Variants in DLG2 observed in about 807,000 individuals in gnomAD.
DLG2 encodes discs large MAGUK scaffold protein 2, also known as disks large homolog 2.
A neutral mutation model predicts 132.5 loss-of-function variants in DLG2; 45 were observed. The observed-to-expected ratio is 0.34, with a 90% CI of 0.27 to 0.44. DLG2 has a LOEUF of 0.44. Ranked by LOEUF, DLG2 falls within the 20% of genes least tolerant of loss-of-function variation. The pLI is 1.00. For missense variants in DLG2, 1,045 were observed against 1,196.9 expected (o/e 0.87, Z 1.87); for synonymous variants, 424 against 419.6 (o/e 1.01, Z -0.13).
chr11:84,480,633 G>A (rs897991269), intron 7 of DLG2, among the ~76,000 whole-genome samples: 18 of 151,980 alleles, frequency 1.2e-4, no homozygotes, highest in Non-Finnish European at 2.1e-4. Flanking sequence ...AGAATTTCTG[G>A]GCTCAAAATC....
chr11:84,395,582 T>C (rs115227378), intron 7 of DLG2, among the ~76,000 whole-genome samples: 132 of 152,280 alleles, frequency 8.7e-4, no homozygotes, highest in African/African-American at 2.9e-3. Flanking sequence ...CACACCTTTC[T>C]AATTTTTGTA....
intron 7 of DLG2, among the ~76,000 whole-genome samples, chr11:84,481,689 C>T (rs919668991): frequency 6.6e-6 from 1 of 152,172 alleles, no homozygotes; most frequent in Non-Finnish European, 1.5e-5. Context: ...TTGTTTCTAG[C>T]TCTGTGCCCT....
At chr11:83,960,802 C>G (rs948995622) in intron 14 of DLG2, among the ~76,000 whole-genome samples, 1 of 151,928 alleles carries the variant, frequency 6.6e-6, no homozygotes, top group Non-Finnish European at 1.5e-5. Context: ...ATGGTAACGC[C>G]TACAGTGTGA....
chr11:83,524,184 CTTAGA>C lies in DLG2; in HGVS notation c.2193+8519_2193+8523del, dbSNP rs531792617. ...ATGATTTCTATTTTCACATATTAGG[CTTAGA>C]TAAGTTATGATAATTGATAGGAGTT... On this transcript the variant is annotated intron_variant, in intron 21 of 27. Transcript: ENST00000376104. Among the ~76,000 whole-genome samples, 204 of 152,244 alleles carry C rather than the reference CTTAGA, an allele frequency of 1.3e-3. 1 individual carries two copies. The highest frequency in any genetic ancestry group is 4.7e-3 in the African/African-American group (197 of 41,558).
intron 19 of DLG2, among the ~76,000 whole-genome samples, chr11:83,622,478 T>C (rs193172162): frequency 6.6e-6 from 1 of 152,346 alleles, no homozygotes; most frequent in Admixed American, 6.5e-5. Context: ...CACAAATCCA[T>C]ATGCTCTGGG....
At chr11:83,513,646 G>A (rs561467804) in intron 21 of DLG2, among the ~76,000 whole-genome samples, 1 of 152,272 alleles carries the variant, frequency 6.6e-6, no homozygotes, top group African/African-American at 2.4e-5. Flanking sequence ...TTCTTCTAGG[G>A]TTTTTATGGT....
chr11:83,999,121 C>A (rs1327648281), intron 11 of DLG2, among the ~76,000 whole-genome samples: 2 of 152,150 alleles, frequency 1.3e-5, no homozygotes, highest in Non-Finnish European at 2.9e-5. Context: ...TGCTGGTGGC[C>A]TGGGAATCAT....
At chr11:85,284,367 A>G (rs2078426216) in intron 4 of DLG2, among the ~76,000 whole-genome samples, 1 of 151,854 alleles carries the variant, frequency 6.6e-6, no homozygotes. Flanking sequence ...AATATATGAG[A>G]GGCCTCAATA....
intron 4 of DLG2, among the ~76,000 whole-genome samples, chr11:85,206,757 C>G (rs562565989): frequency 6.6e-6 from 1 of 151,970 alleles, no homozygotes; most frequent in Non-Finnish European, 1.5e-5. Flanking sequence ...TGCTTGAACC[C>G]GGGAGGCAGA....
chr11:84,211,446 T>C (rs2096753951), intron 8 of DLG2, among the ~76,000 whole-genome samples: 1 of 152,212 alleles, frequency 6.6e-6, no homozygotes. Context: ...GGTCTTACTA[T>C]GTTGCCCAGA....
chr11:85,080,313 T>G (rs1383620039), intron 6 of DLG2, among the ~76,000 whole-genome samples: 2 of 152,118 alleles, frequency 1.3e-5, no homozygotes, highest in Non-Finnish European at 2.9e-5. Context: ...TGTTTGTTTG[T>G]TTTCACTGAT....
rs186138831 is a variant in DLG2 at position 84,685,160 on chromosome 11, G to A, written c.358-150429C>T. 2.4e-3 allele frequency among the ~76,000 whole-genome samples: 364 copies of A among 152,232 alleles called. 3 individuals carry two copies. Among genetic ancestry groups the A allele is most frequent in the Admixed American group, 0.018 (274 of 15,292 alleles). On this transcript the variant is annotated intron_variant, in intron 6 of 27. Coordinates refer to ENST00000376104, the MANE Select transcript of DLG2 (RefSeq NM_001142699.3). ...CAGAGCTGGTTTGAAGCAGAGCCAG[G>A]GCTATAATTCCAGTTTTCTGACAAC...
intron 18 of DLG2, among the ~76,000 whole-genome samples, chr11:83,687,154 T>C (rs747538529): frequency 1.3e-5 from 2 of 152,168 alleles, no homozygotes; most frequent in African/African-American, 4.8e-5. Context: ...ATGGCCAAAA[T>C]AACACCTTCA....
chr11:84,703,857 G>GATATATATGTGTGTATATATAT (rs1555174774), intron 6 of DLG2, among the ~76,000 whole-genome samples: 7 of 102,714 alleles, frequency 6.8e-5, no homozygotes, highest in African/African-American at 2.9e-4. Flanking sequence ...ATGTAGTGAA[G>GATATATATGTGTGTATATATAT]ATATATATAT....
At chr11:85,223,510 C>T (rs1053829130) in intron 4 of DLG2, among the ~76,000 whole-genome samples, 6 of 152,002 alleles carry the variant, frequency 3.9e-5, no homozygotes, top group African/African-American at 7.2e-5. Flanking sequence ...CGTGCTGGTG[C>T]GTGCTTGTGG....
intron 6 of DLG2, among the ~76,000 whole-genome samples, chr11:84,569,699 T>G (rs2099472878): frequency 2.0e-5 from 3 of 152,178 alleles, no homozygotes; most frequent in Admixed American, 6.5e-5. Context: ...ATTGCTCAGT[T>G]AGTATTTAAA....
intron 3 of DLG2, among the ~76,000 whole-genome samples, chr11:85,311,112 A>G (rs971541020): frequency 1.2e-4 from 19 of 152,320 alleles, no homozygotes; most frequent in African/African-American, 4.1e-4. Context: ...ACGTAAGCAA[A>G]GAAAAATGCA....
chr11:84,757,608 T>C (rs1334732299), intron 6 of DLG2, among the ~76,000 whole-genome samples: 2 of 152,200 alleles, frequency 1.3e-5, no homozygotes, highest in Non-Finnish European at 2.9e-5. Flanking sequence ...TCAAAGATAA[T>C]GAAGATGAGG....
chr11:85,014,468 T>A (rs1027426274), intron 6 of DLG2, among the ~76,000 whole-genome samples: 2 of 152,274 alleles, frequency 1.3e-5, no homozygotes, highest in East Asian at 3.9e-4. Flanking sequence ...AGAAAAAGCA[T>A]CTTTATAGCT....
Sources: allele counts gnomAD v4.1 joint callset (sites outside exome capture counted in the v4.1 genomes callset), GRCh38; gene constraint gnomAD v4.1.1; transcripts MANE v1.5; gene names NCBI Gene and HGNC (gene_info 2026-07-23, HGNC 2026-07-21).